The following CMTM8 variants were observed in gnomAD, a reference collection of about 807,000 sequenced individuals.
The protein encoded by CMTM8 is CKLF like MARVEL transmembrane domain containing 8.
Under a neutral mutation model 18.6 loss-of-function variants are expected in CMTM8, and 12 were observed. The observed-to-expected ratio is 0.65, with a 90% CI of 0.41 to 1.05. The LOEUF is 1.05. Ranked by LOEUF, CMTM8 falls within the 50% of genes least tolerant of loss-of-function variation. CMTM8 has a pLI of 0.00. For synonymous variants in CMTM8, 87 were observed against 90.6 expected (o/e 0.96, Z 0.23); for missense variants, 217 against 227.2 (o/e 0.95, Z 0.29).
At chr3:32,348,152 A>G (rs886731116) in intron 1 of CMTM8, among the ~76,000 whole-genome samples, 3 of 152,172 alleles carry the variant, frequency 2.0e-5, no homozygotes, top group Non-Finnish European at 4.4e-5. Context: ...CTTGCCCTTC[A>G]TTGATAATTT....
At chr3:32,348,738 C>T (rs370297643) in intron 1 of CMTM8, among the ~76,000 whole-genome samples, 1 of 151,816 alleles carries the variant, frequency 6.6e-6, no homozygotes. Context: ...TGGGCTCAAG[C>T]AGTCCATCCA....
intron 3 of CMTM8, among the ~76,000 whole-genome samples, chr3:32,369,556 G>A (rs1030511782): frequency 6.6e-6 from 1 of 152,064 alleles, no homozygotes; most frequent in Admixed American, 6.6e-5. Flanking sequence ...GTAGCAATCC[G>A]AGATTGTACC....
At chr3:32,354,327 GATA>G in intron 1 of CMTM8, among the ~76,000 whole-genome samples, 1 of 152,156 alleles carries the variant, frequency 6.6e-6, no homozygotes, top group African/African-American at 2.4e-5. Flanking sequence ...TTTGCTTCTT[GATA>G]TATTTCAGTT....
intron 1 of CMTM8, among the ~76,000 whole-genome samples, chr3:32,300,149 A>G (rs972625794): frequency 3.9e-5 from 6 of 152,234 alleles, no homozygotes; most frequent in African/African-American, 1.4e-4. Context: ...CAGTTTGATG[A>G]TGAATGGATA....
chr3:32,326,316 T>G (rs1246819870), intron 1 of CMTM8, among the ~76,000 whole-genome samples: 1 of 152,168 alleles, frequency 6.6e-6, no homozygotes, highest in African/African-American at 2.4e-5. Flanking sequence ...GAATAAAATC[T>G]GAACTCCTTA....
At chr3:32,330,926 A>T (rs751042215) in intron 1 of CMTM8, among the ~76,000 whole-genome samples, 7 of 152,226 alleles carry the variant, frequency 4.6e-5, no homozygotes, top group Middle Eastern at 3.2e-3. Context: ...TGGATTTGGC[A>T]GTTATTTCTT....
intron 1 of CMTM8, among the ~76,000 whole-genome samples, chr3:32,343,281 C>T (rs1575185216): frequency 6.6e-6 from 1 of 152,320 alleles, no homozygotes; most frequent in East Asian, 1.9e-4. Context: ...CCAACACTAA[C>T]ATTCTCTGGC....
rs549351924 is a variant in CMTM8, at chr3:32,290,304, AC to A, written c.147+51187del. Among the ~76,000 whole-genome samples, 467 of 152,330 alleles carry A rather than the reference AC, an allele frequency of 3.1e-3. 3 individuals are homozygous for A. The highest frequency in any genetic ancestry group is 0.01 in the African/African-American group (422 of 41,572). ...AAATATTTCTAAAACTTTATATATT[AC>A]CTTTATGGAGCAAACCTAGAAACTT... is the stretch of plus-strand genomic sequence containing the variant. On this transcript the variant is annotated intron_variant, in intron 1 of 3. Transcript: ENST00000307526.
chr3:32,250,485 T>C (rs921359115), intron 1 of CMTM8, among the ~76,000 whole-genome samples: 4 of 152,246 alleles, frequency 2.6e-5, no homozygotes, highest in African/African-American at 9.6e-5. Context: ...AGTACTGCCA[T>C]CATAACAAGA....
chr3:32,340,587 T>C (rs988248827), intron 1 of CMTM8, among the ~76,000 whole-genome samples: 2 of 152,224 alleles, frequency 1.3e-5, no homozygotes, highest in Non-Finnish European at 2.9e-5. Context: ...TGTGTGGTTG[T>C]AAACAGGAAT....
Position 32,315,467 on chromosome 3 carries a change from G to C in CMTM8, c.148-41906G>C, listed in dbSNP as rs1207541848. 3.3e-5 allele frequency among the ~76,000 whole-genome samples: 5 copies of C among 152,096 alleles called. No individual in the cohort carries two copies. The South Asian group carries it at 1.0e-3, about 32-fold the overall frequency. On this transcript the variant is annotated intron_variant, in intron 1 of 3. Transcript: ENST00000307526. ...ACTTTGCAGTTCAAGGAAGAGATGC[G>C]GACACTGAACCACAAAACGGGGCAG...
chr3:32,299,081 C>T (rs1490332154), intron 1 of CMTM8, among the ~76,000 whole-genome samples: 1 of 151,626 alleles, frequency 6.6e-6, no homozygotes, highest in African/African-American at 2.4e-5. Context: ...AAACACTGTG[C>T]CCCGCTCAGA....
intron 1 of CMTM8, among the ~76,000 whole-genome samples, chr3:32,313,252 C>T (rs1412667910): frequency 1.3e-5 from 2 of 152,198 alleles, no homozygotes; most frequent in East Asian, 1.9e-4. Context: ...CGCTCTTTCC[C>T]GACGGATTCT....
At chr3:32,361,854 T>A (rs549185461) in intron 2 of CMTM8, among the ~76,000 whole-genome samples, 1 of 152,204 alleles carries the variant, frequency 6.6e-6, no homozygotes, top group East Asian at 1.9e-4. Flanking sequence ...CAAATCTGAT[T>A]TAAGCTAAAA....
At chr3:32,298,816 C>T (rs200616406) in intron 1 of CMTM8, among the ~76,000 whole-genome samples, 12,535 of 117,148 alleles carry the variant, frequency 0.11, 921 homozygotes, top group East Asian at 0.44. Context: ...TATATATATA[C>T]ACGTGTGTAT....
chr3:32,270,253 A>G (rs1340613104), intron 1 of CMTM8, among the ~76,000 whole-genome samples: 1 of 152,168 alleles, frequency 6.6e-6, no homozygotes, highest in African/African-American at 2.4e-5. Flanking sequence ...ACAAGTAACC[A>G]TATGCAGCCA....
At chr3:32,289,624 A>G (rs1702745520) in intron 1 of CMTM8, among the ~76,000 whole-genome samples, 1 of 152,218 alleles carries the variant, frequency 6.6e-6, no homozygotes, top group Admixed American at 6.5e-5. Flanking sequence ...ATGCTAGTAT[A>G]TTAACAAGAA....
At chr3:32,318,272 CAA>C (rs1695969767) in intron 1 of CMTM8, among the ~76,000 whole-genome samples, 1 of 152,060 alleles carries the variant, frequency 6.6e-6, no homozygotes, top group African/African-American at 2.4e-5. Flanking sequence ...ATTCCAGGGA[CAA>C]AGAGATTTCT....
At chr3:32,271,114 C>T (rs1227923095) in intron 1 of CMTM8, among the ~76,000 whole-genome samples, 1 of 152,130 alleles carries the variant, frequency 6.6e-6, no homozygotes, top group South Asian at 2.1e-4. Context: ...GCAGAGGTAA[C>T]CACTATCCTG....
Sources: gnomAD v4.1 joint callset for allele counts (sites outside exome capture counted in the v4.1 genomes callset) on GRCh38, gnomAD v4.1.1 for gene constraint, MANE v1.5 for transcripts, NCBI Gene and HGNC (gene_info 2026-07-23, HGNC 2026-07-21) for gene names.